The following OLAH variants were observed in gnomAD, a reference collection of about 807,000 sequenced individuals.
OLAH encodes the protein oleoyl-ACP hydrolase, also known as S-acyl fatty acid synthase thioesterase, medium chain.
In OLAH, 33 loss-of-function variants were observed where a neutral mutation model predicts 27.8. The ratio of observed to expected loss-of-function variants is 1.19; its 90% CI spans 0.90 to 1.59. The LOEUF (loss-of-function observed/expected upper bound fraction) is 1.59, where lower values mean the gene tolerates loss of function less well. Among genes scored for constraint, OLAH ranks in the 40% most tolerant of loss-of-function variants. The pLI is 0.00. For missense variants in OLAH, 359 were observed against 310.8 expected (o/e 1.16, Z -1.17); for synonymous variants, 120 against 102.9 (o/e 1.17, Z -1.01).
chr10:15,069,522 C>T (rs1182438415), intron 6 of OLAH, among the ~76,000 whole-genome samples: 1 of 152,180 alleles, frequency 6.6e-6, no homozygotes, highest in Non-Finnish European at 1.5e-5. Flanking sequence ...TCTCTAGCCT[C>T]TCGCCTCACT....
chr10:15,042,849 CTTT>C (rs67828197), upstream of OLAH, among the ~76,000 whole-genome samples: 1 of 60,604 alleles, frequency 1.7e-5, no homozygotes, highest in African/African-American at 6.8e-5. Flanking sequence ...ACCCACGTGT[CTTT>C]TTTTTTTTTT....
intron 1 of OLAH, among the ~76,000 whole-genome samples, chr10:15,035,985 C>A (rs971298506): frequency 6.6e-6 from 1 of 152,078 alleles, no homozygotes. Flanking sequence ...CCATGGCCTC[C>A]CAGGGGCTGA....
intron 3 of OLAH, among the ~76,000 whole-genome samples, chr10:15,059,294 C>G (rs1844316478): frequency 6.7e-6 from 1 of 149,308 alleles, no homozygotes; most frequent in African/African-American, 2.5e-5. Context: ...TCAAGCAATC[C>G]TCCTGCCTCA....
In OLAH at chr10:15,048,771, C is replaced by T. The variant is rs555060280; in HGVS notation, c.33-864C>T. 1.6e-4 allele frequency among the ~76,000 whole-genome samples: 25 copies of T among 152,158 alleles called. No homozygotes were observed. In the East Asian group the frequency reaches 4.8e-3, roughly 29 times the overall value. ...CTGAATGTTATATATAGGTATTTGACTATTTCACCTACATCCCTGAAAGTT... is the reference window on the plus strand; with the variant it reads ...CTGAATGTTATATATAGGTATTTGATTATTTCACCTACATCCCTGAAAGTT... On this transcript the variant is annotated intron_variant, in intron 2 of 7. Transcript: ENST00000378228.
At chr10:15,072,603 G>A (rs1459663614) in intron 7 of OLAH, among the ~76,000 whole-genome samples, 1 of 152,094 alleles carries the variant, frequency 6.6e-6, no homozygotes, top group Admixed American at 6.6e-5. Context: ...TGGTTTTAGG[G>A]TGAGGGGCTT....
Position 15,065,764 on chromosome 10 carries a change from GA to G in OLAH, c.572+14del. The G allele has an allele frequency of 6.3e-7, 1 of 1,581,032 alleles. No individual in the cohort carries two copies. The highest frequency in any genetic ancestry group is 8.6e-7 in the Non-Finnish European group (1 of 1,166,482). Reference sequence around the variant, plus strand: ...TGTTAGAAGTTGCACGTAAGTAACAGAAACAAGGTTTTTTCTTTTTTTGGTA... The same window carrying G: ...TGTTAGAAGTTGCACGTAAGTAACAGAACAAGGTTTTTTCTTTTTTTGGTA... On this transcript the variant is annotated intron_variant, in intron 6 of 7. Coordinates refer to ENST00000378228, the MANE Select transcript of OLAH (RefSeq NM_001039702.3).
chr10:15,046,718 C>T (rs1029994389), intron 1 of OLAH, among the ~76,000 whole-genome samples: 9 of 152,016 alleles, frequency 5.9e-5, no homozygotes, highest in African/African-American at 1.4e-4. Context: ...TGGGATGAGC[C>T]GCCACGCCCA....
At chr10:15,048,983 A>G (rs1269875837) in intron 2 of OLAH, among the ~76,000 whole-genome samples, 2 of 152,020 alleles carry the variant, frequency 1.3e-5, no homozygotes, top group African/African-American at 4.8e-5. Context: ...CTTGCCTGTA[A>G]TCTCAACTAC....
At chr10:15,070,775 C>G (rs1391147189) in intron 6 of OLAH, among the ~76,000 whole-genome samples, 1 of 147,598 alleles carries the variant, frequency 6.8e-6, no homozygotes, top group African/African-American at 2.5e-5. Context: ...GCCACCACGC[C>G]TGAACTTTTT....
At chr10:15,063,200 C>G (rs1482999498) in intron 4 of OLAH, among the ~76,000 whole-genome samples, 1 of 152,202 alleles carries the variant, frequency 6.6e-6, no homozygotes, top group Non-Finnish European at 1.5e-5. Context: ...AATCATGGCT[C>G]ACTGCAACCT....
intron 3 of OLAH, among the ~76,000 whole-genome samples, chr10:15,059,058 C>T (rs1397644965): frequency 1.3e-4 from 13 of 100,136 alleles, no homozygotes; most frequent in African/African-American, 4.7e-4. Context: ...CCATCCCTTC[C>T]CTTCCTTCCC....
At chr10:15,056,815 T>C (rs1844254171) in intron 3 of OLAH, 1 of 1,468,972 alleles carries the variant, frequency 6.8e-7, no homozygotes. Flanking sequence ...TTATTTTATT[T>C]TTTTGTAGAG....
At chr10:15,071,937 T>A in intron 7 of OLAH, 60 bp downstream of exon 7, 1 of 1,351,200 alleles carries the variant, frequency 7.4e-7, no homozygotes, top group Admixed American at 1.8e-5. Context: ...GCTTTAAAAT[T>A]TTTTTTTTTC....
intron 3 of OLAH, among the ~76,000 whole-genome samples, chr10:15,052,845 T>C (rs1844173219): frequency 1.3e-5 from 2 of 149,624 alleles, no homozygotes; most frequent in African/African-American, 4.9e-5. Flanking sequence ...CGGGTTCAAG[T>C]GATCCTCCTG....
intron 6 of OLAH, among the ~76,000 whole-genome samples, chr10:15,070,975 G>A (rs999832308): frequency 4.0e-5 from 6 of 151,728 alleles, no homozygotes; most frequent in African/African-American, 1.5e-4. Context: ...GTAGAAATGG[G>A]GTCTTGCTAT....
intron 3 of OLAH, among the ~76,000 whole-genome samples, chr10:15,058,548 G>A (rs1276617302): frequency 1.3e-5 from 2 of 151,960 alleles, no homozygotes; most frequent in African/African-American, 4.8e-5. Flanking sequence ...TCAATTTTGT[G>A]TAGAGCAGTC....
chr10:15,071,456 G>C (rs1242888092), intron 6 of OLAH: 1 of 917,126 alleles, frequency 1.1e-6, no homozygotes, highest in African/African-American at 1.8e-5. Flanking sequence ...CCTCTGCTGG[G>C]CCAAGGAGAG....
chr10:15,047,345 G>A, intron 2 of OLAH, 25 bp downstream of exon 2: 1 of 1,611,938 alleles, frequency 6.2e-7, no homozygotes, highest in Non-Finnish European at 8.5e-7. Flanking sequence ...GTGCCACCAG[G>A]CTCTTCCTCC....
upstream of OLAH, among the ~76,000 whole-genome samples, chr10:15,038,948 T>C (rs1432668021): frequency 1.3e-5 from 2 of 152,148 alleles, no homozygotes; most frequent in Non-Finnish European, 2.9e-5. Flanking sequence ...TCAGGCTGGG[T>C]GCAGTGGTTC....
Sources: allele counts gnomAD v4.1 joint callset (sites outside exome capture counted in the v4.1 genomes callset), GRCh38; gene constraint gnomAD v4.1.1; transcripts MANE v1.5; gene names NCBI Gene and HGNC (gene_info 2026-07-23, HGNC 2026-07-21).